The following ADGRL2 variants were observed in gnomAD, a reference collection of about 807,000 sequenced individuals.
ADGRL2 encodes adhesion G protein-coupled receptor L2.
Under a neutral mutation model 157.4 loss-of-function variants are expected in ADGRL2, and 44 were observed. That is an observed-to-expected ratio of 0.28 (90% confidence interval 0.22 to 0.36). ADGRL2 has a LOEUF of 0.36. ADGRL2 is among the 10% of genes least tolerant of loss of function. ADGRL2 has a pLI of 1.00. For synonymous variants in ADGRL2, 585 were observed against 624.7 expected, an observed-to-expected ratio of 0.94 and a Z score of 0.95; for missense variants, 1,510 against 1,768.9, an observed-to-expected ratio of 0.85 and a Z score of 2.63.
chr1:81,652,700 A>G (rs532561473), intron 3 of ADGRL2, among the ~76,000 whole-genome samples: 2 of 152,304 alleles, frequency 1.3e-5, no homozygotes, highest in East Asian at 1.9e-4. Context: ...TTCAGAAACT[A>G]TATGAAACAA....
rs1232432642 is a variant in ADGRL2 at position 81,992,884 on chromosome 1, A to G, written c.*1739A>G. ...CATATAATTGAATATCAAGAAATAG[A>G]TGTTTTCTGTTTGTATCATAAGCAT... On this transcript the variant is annotated 3_prime_UTR_variant, in exon 24 of 24. Coordinates refer to ENST00000686636, the MANE Select transcript of ADGRL2 (RefSeq NM_001366006.2). Among the ~76,000 whole-genome samples the G allele has an allele frequency of 6.6e-6, 1 of 151,354 alleles. No individual in the cohort carries two copies. The highest frequency in any genetic ancestry group is 2.4e-5 in the African/African-American group (1 of 41,134).
intron 3 of ADGRL2, among the ~76,000 whole-genome samples, chr1:81,607,558 G>C (rs755511403): frequency 8.5e-6 from 1 of 117,194 alleles, no homozygotes; most frequent in East Asian, 2.0e-4. Context: ...ACACCAAAAA[G>C]TTCCAAGTTG....
intron 1 of ADGRL2, chr1:81,427,016 C>T: frequency 2.0e-6 from 2 of 1,020,984 alleles, no homozygotes; most frequent in Non-Finnish European, 1.5e-6. Context: ...TCAGAAATAC[C>T]ACAGTTGATA....
chr1:81,813,874 T>A (rs2149711034), intron 1 of ADGRL2, among the ~76,000 whole-genome samples: 1 of 151,394 alleles, frequency 6.6e-6, no homozygotes, highest in East Asian at 1.9e-4. Context: ...TCCAGGAAAA[T>A]GGTTATGTGA....
intron 2 of ADGRL2, among the ~76,000 whole-genome samples, chr1:81,486,103 G>A (rs2078494768): frequency 6.6e-6 from 1 of 152,188 alleles, no homozygotes; most frequent in Non-Finnish European, 1.5e-5. Flanking sequence ...TAATTTGTAA[G>A]AGGAGTTTGG....
chr1:81,451,896 C>T (rs569466187), intron 2 of ADGRL2, among the ~76,000 whole-genome samples: 3 of 152,194 alleles, frequency 2.0e-5, no homozygotes, highest in East Asian at 3.9e-4. Context: ...AAATAATACA[C>T]CTGTCTTTCA....
intron 2 of ADGRL2, among the ~76,000 whole-genome samples, chr1:81,555,845 A>G (rs905572179): frequency 2.6e-5 from 4 of 152,188 alleles, no homozygotes; most frequent in Admixed American, 2.6e-4. Flanking sequence ...CTCAAAACAG[A>G]AAGGGATGAT....
chr1:81,985,730 A>T (rs1662961923), intron 21 of ADGRL2, among the ~76,000 whole-genome samples: 1 of 152,024 alleles, frequency 6.6e-6, no homozygotes, highest in African/African-American at 2.4e-5. Flanking sequence ...AAGTTTATAA[A>T]GTAATTATTT....
chr1:81,830,225 A>T (rs1236794881), intron 1 of ADGRL2, among the ~76,000 whole-genome samples: 1 of 152,222 alleles, frequency 6.6e-6, no homozygotes, highest in Non-Finnish European at 1.5e-5. Flanking sequence ...AAGGTAAAAA[A>T]AATTAATGAA....
At chr1:81,766,847 G>GAAAAAAAAAAAAAAAAAAAAAGA (rs66946051) in intron 2 of ADGRL2, among the ~76,000 whole-genome samples, 1 of 117,808 alleles carries the variant, frequency 8.5e-6, no homozygotes, top group Non-Finnish European at 1.8e-5. Flanking sequence ...AAAAAAAAAG[G>GAAAAAAAAAAAAAAAAAAAAAGA]AAAAAAAAAA....
chr1:81,971,410 C>T (rs1021855838), intron 16 of ADGRL2, among the ~76,000 whole-genome samples: 1 of 152,164 alleles, frequency 6.6e-6, no homozygotes, highest in Non-Finnish European at 1.5e-5. Flanking sequence ...AACATAACAT[C>T]TGAACAGTTT....
intron 2 of ADGRL2, among the ~76,000 whole-genome samples, chr1:81,890,995 C>T (rs2094249292): frequency 6.6e-6 from 1 of 152,080 alleles, no homozygotes; most frequent in African/African-American, 2.4e-5. Flanking sequence ...CATTAGCTCT[C>T]TTATTACTGA....
chr1:81,849,307 C>G (rs180850670), intron 2 of ADGRL2, among the ~76,000 whole-genome samples: 2 of 152,016 alleles, frequency 1.3e-5, no homozygotes, highest in East Asian at 3.9e-4. Context: ...ATACTAAATA[C>G]AGCCTAGAAG....
intron 1 of ADGRL2, among the ~76,000 whole-genome samples, chr1:81,308,495 A>G (rs948686713): frequency 6.6e-6 from 1 of 152,194 alleles, no homozygotes; most frequent in African/African-American, 2.4e-5. Flanking sequence ...GCCCTTTCAG[A>G]ACAAAGGAAC....
At position 81,756,971 on chromosome 1, in the gene ADGRL2, A is replaced by G. The variant is rs112546735; in HGVS notation, c.-142-4840A>G. Among the ~76,000 whole-genome samples the G allele has an allele frequency of 2.8e-3, 421 of 152,290 alleles. 8 individuals are homozygous for G. In the South Asian group the frequency reaches 0.041, roughly 15 times the overall value. On this transcript the variant is annotated intron_variant, in intron 1 of 20. Coordinates refer to the ADGRL2 transcript ENST00000359929. ...GACATAAGGAAACGTTCATGAAGTCATAGTGACACTTTGGTTTACTAGGAG... is the reference window on the plus strand; with the variant it reads ...GACATAAGGAAACGTTCATGAAGTCGTAGTGACACTTTGGTTTACTAGGAG...
chr1:81,446,662 C>T (rs779900308), intron 2 of ADGRL2, among the ~76,000 whole-genome samples: 1 of 152,132 alleles, frequency 6.6e-6, no homozygotes, highest in African/African-American at 2.4e-5. Context: ...TACACAGTCC[C>T]GGAACACCTG....
chr1:81,403,288 A>C (rs966068607), intron 1 of ADGRL2, among the ~76,000 whole-genome samples: 63 of 151,730 alleles, frequency 4.2e-4, no homozygotes, highest in African/African-American at 1.4e-3. Context: ...TTTTTGAGAC[A>C]GAGTCTCCCT....
intron 1 of ADGRL2, among the ~76,000 whole-genome samples, chr1:81,743,402 T>TA (rs2085138497): frequency 6.6e-6 from 1 of 151,488 alleles, no homozygotes; most frequent in Admixed American, 6.6e-5. Context: ...GGTTTTTTTT[T>TA]TTTTTTTGCA....
rs141628582 is a variant in ADGRL2 at position 81,665,351 on chromosome 1, T to C, written c.-143+84371T>C. ...ATTGATATCTTATGTGGTTTCTATG[T>C]ATATAAACATCTGTTCCTTTTTGGC... On this transcript the variant is annotated intron_variant, in intron 3 of 24. Coordinates refer to the ADGRL2 transcript ENST00000370721. Among the ~76,000 whole-genome samples the C allele has an allele frequency of 5.5e-3, 836 of 152,296 alleles. 4 individuals are homozygous for C. Among genetic ancestry groups the C allele is most frequent in the Non-Finnish European group, 7.6e-3 (520 of 68,002 alleles).
Sources: allele counts gnomAD v4.1 joint callset (sites outside exome capture counted in the v4.1 genomes callset), GRCh38; gene constraint gnomAD v4.1.1; transcripts MANE v1.5; gene names NCBI Gene and HGNC (gene_info 2026-07-23, HGNC 2026-07-21).